PSG2: variants seen among roughly 807,000 people sequenced by gnomAD.
The protein encoded by PSG2 is pregnancy-specific beta-1-glycoprotein 2.
PSG2 carries 49 observed loss-of-function variants against 36.2 expected under a neutral mutation model. That is an observed-to-expected ratio of 1.35 (90% CI 1.08 to 1.72). The LOEUF is 1.72. PSG2 is among the 40% of genes most tolerant of loss of function. The pLI is 0.00. For missense variants in PSG2, 605 were observed against 407.2 expected (o/e 1.49, Z -4.18); for synonymous variants, 261 against 155.6 (o/e 1.68, Z -5.04).
Position 43,080,937 on chromosome 19 carries a change from A to G in PSG2, c.374T>C (p.Ile125Thr), listed in dbSNP as rs1394821720. Residue 125 changes from isoleucine (I) to threonine (T), a missense_variant, in exon 2 of 6, where the codon ATA becomes ACA. Coordinates refer to ENST00000406487, the MANE Select transcript of PSG2 (RefSeq NM_031246.4). ...EDAGSYTLHIIKRGDGTRGVT... is the reference protein window; with the variant it reads ...EDAGSYTLHITKRGDGTRGVT... ...TCCTCTAGTCCCATCACCTCGCTTTATGATGTGTAAGGTGTAGGATCCTGC... is the reference window on the plus strand; with the variant it reads ...TCCTCTAGTCCCATCACCTCGCTTTGTGATGTGTAAGGTGTAGGATCCTGC... 5 of 1,612,724 alleles carry G rather than the reference A, an allele frequency of 3.1e-6. No homozygotes were observed. The highest frequency in any genetic ancestry group is 4.2e-6 in the Non-Finnish European group (5 of 1,179,548).
At chr19:43,068,466 AAAAGAAAGAAAG>A (rs538043371) in intron 4 of PSG2, among the ~76,000 whole-genome samples, 16 of 147,062 alleles carry the variant, frequency 1.1e-4, no homozygotes, top group African/African-American at 3.7e-4. Context: ...AAAAAAAAAA[AAAAGAAAGAAAG>A]AAAGAAAGAA....
Position 43,071,673 on chromosome 19 carries a change from C to A in PSG2, c.964+27G>T, listed in dbSNP as rs202015510. The A allele has an allele frequency of 1.6e-5, 25 of 1,612,728 alleles. No homozygotes were observed. The South Asian group carries it at 2.7e-4, about 18-fold the overall frequency. On this transcript the variant is annotated intron_variant, in intron 4 of 5. Transcript: ENST00000406487. The stretch of plus-strand genomic sequence containing the variant: ...CAGATAGACTCCACCTAAAACCCTA[C>A]TGCCAAGGATGCTGGGATCCACTTA...
intron 2 of PSG2, among the ~76,000 whole-genome samples, chr19:43,079,316 A>T (rs1967938596): frequency 6.6e-6 from 1 of 151,312 alleles, no homozygotes; most frequent in African/African-American, 2.4e-5. Context: ...GTGGCCAAAG[A>T]GCTTCAGAGT....
In PSG2 at chr19:43,082,571, G is replaced by C. The variant is rs1162283204; in HGVS notation, c.-2C>G. 3.1e-6 allele frequency: 5 copies of C among 1,611,612 alleles called. No homozygotes were observed. The highest frequency in any genetic ancestry group is 1.7e-5 in the Admixed American group (1 of 59,886). ...GGGAGGGGCTGAGAGGGGCCCCATG[G>C]TCTCTGCTGCCTGTGTGTTCTCCTC... On this transcript the variant is annotated 5_prime_UTR_variant, in exon 1 of 6. Coordinates refer to ENST00000406487, the MANE Select transcript of PSG2 (RefSeq NM_031246.4).
At chr19:43,072,476 C>G in intron 3 of PSG2, 1 of 1,611,402 alleles carries the variant, frequency 6.2e-7, no homozygotes, top group Non-Finnish European at 8.5e-7. Context: ...TTCAATGGGT[C>G]GCTTTACCCT....
rs1181076364 is a variant in PSG2 at position 43,075,287 on chromosome 19, G to C, written c.709+67C>G. On this transcript the variant is annotated intron_variant, in intron 3 of 5. Coordinates refer to ENST00000406487, the MANE Select transcript of PSG2 (RefSeq NM_031246.4). ...TACTTGGACCTGAGAGGGACTGAGA[G>C]GCCTGGCCTCTGGCCATGTGTATTT... The C allele has an allele frequency of 9.3e-6, 15 of 1,612,490 alleles. 1 individual carries two copies. The highest frequency in any genetic ancestry group is 1.3e-5 in the Non-Finnish European group (15 of 1,179,286).
intron 4 of PSG2, among the ~76,000 whole-genome samples, chr19:43,068,770 G>A (rs997759976): frequency 6.6e-6 from 1 of 151,606 alleles, no homozygotes; most frequent in Non-Finnish European, 1.5e-5. Flanking sequence ...CATACTTAAC[G>A]GAGAAAGACT....
chr19:43,075,354 G>A lies in PSG2; in HGVS notation c.709C>T (p.His237Tyr), dbSNP rs754469616. ...RSDPVTLNLL[H>Y]GPDLPRIHPS... is the part of the protein sequence containing the mutation. ...CCACAGAGGAACAGAAGATACTCAC[G>A]GAGGAGATTCAGGGTGACTGGGTCA... Residue 237 changes from histidine (H) to tyrosine (Y), a missense_variant and splice_region_variant, in exon 3 of 6, where the codon CAT (histidine) becomes TAT (tyrosine). His to Tyr is a moderately conservative substitution (Grantham distance 83). Transcript: ENST00000406487. 16 of 1,613,004 alleles carry A rather than the reference G, an allele frequency of 9.9e-6. No homozygotes were observed. Among genetic ancestry groups the A allele is most frequent in the African/African-American group, 2.7e-5 (2 of 74,494 alleles).
chr19:43,077,367 G>A (rs1283056432), intron 2 of PSG2, among the ~76,000 whole-genome samples: 2 of 151,768 alleles, frequency 1.3e-5, no homozygotes, highest in Non-Finnish European at 2.9e-5. Context: ...TGTGTGTTAT[G>A]TTAGTAAATA....
intron 3 of PSG2, chr19:43,072,423 C>G: frequency 3.1e-6 from 5 of 1,612,468 alleles, no homozygotes; most frequent in Non-Finnish European, 4.2e-6. Flanking sequence ...TCATAGGGTC[C>G]TGTTTCATTT....
At chr19:43,075,676 G>C in intron 2 of PSG2, 44 bp from the exon 3 acceptor site, 1 of 1,581,332 alleles carries the variant, frequency 6.3e-7, no homozygotes, top group East Asian at 2.2e-5. Flanking sequence ...TGGCACCTTT[G>C]ATTCCTCCAA....
At chr19:43,066,651 T>TA in intron 4 of PSG2, 51 bp from the exon 5 acceptor site, 1 of 1,514,314 alleles carries the variant, frequency 6.6e-7, no homozygotes, top group African/African-American at 1.4e-5. Context: ...TTATTTTACA[T>TA]GGGGGAGCAT....
Position 43,081,245 on chromosome 19 carries a change from TG to T in PSG2, c.65del (p.Ala22AspfsTer4). 6.2e-7 allele frequency: 1 copy of T among 1,610,938 alleles called. No homozygotes were observed. Among genetic ancestry groups the T allele is most frequent in the East Asian group, 2.2e-5 (1 of 44,816 alleles). ...GCAGGTTCCAGAAGTTTAAAAGTGA[TG>T]CTAGGAGGTGGAGAGAGCATCAGAC... Reference protein sequence around the residue: ...HIKWKGLLVTASLLNFWNLPT... With the variant: ...HIKWKGLLVTXSLLNFWNLPT... On this transcript the variant is annotated frameshift_variant and splice_region_variant, in exon 2 of 6. Transcript: ENST00000406487. LOFTEE classifies it high-confidence loss of function.
rs397839877 is a variant in PSG2, at chr19:43,081,176, A to C, written c.135T>G (p.Val45=). The C allele has an allele frequency of 9.7e-5, 156 of 1,612,562 alleles. 2 individuals carry two copies. The highest frequency in any genetic ancestry group is 1.3e-4 in the Non-Finnish European group (150 of 1,179,638). Residue 45 remains valine, a synonymous_variant, in exon 2 of 6, where the codon GTT becomes GTG. Coordinates refer to ENST00000406487, the MANE Select transcript of PSG2 (RefSeq NM_031246.4). ...QVTIEAQPPK[V]SEGKDVLLLV... ...GTAGAAGAACATCCTTCCCCTCGGA[A>C]ACTTTTGGTGGCTGGGCTTCAATCG...
In PSG2 at chr19:43,077,700, G is replaced by T. The variant is rs548518086; in HGVS notation, c.431-2068C>A. On this transcript the variant is annotated intron_variant, in intron 2 of 5. Transcript: ENST00000406487. ...CCACCAGTATTCCTATTACGTGTAC[G>T]TTACAGCATTTGTATTTGTCCCACA... is the stretch of plus-strand genomic sequence containing the variant. Among the ~76,000 whole-genome samples, 3 of 151,834 alleles carry T rather than the reference G, an allele frequency of 2.0e-5. No homozygotes were observed. In the South Asian group the frequency reaches 6.2e-4, roughly 32 times the overall value.
intron 2 of PSG2, among the ~76,000 whole-genome samples, chr19:43,079,678 G>T (rs1967944216): frequency 6.6e-6 from 1 of 151,638 alleles, no homozygotes; most frequent in Non-Finnish European, 1.5e-5. Flanking sequence ...AGGGAGGCCT[G>T]CTCATGTTTT....
At position 43,078,668 on chromosome 19, in the gene PSG2, A is replaced by G. The variant is rs186506497; in HGVS notation, c.430+2213T>C. On this transcript the variant is annotated intron_variant, in intron 2 of 5. Coordinates refer to ENST00000406487, the MANE Select transcript of PSG2 (RefSeq NM_031246.4). ...TGTGCCCCTGAAACTATCCTTGAAAATCTCTAAGCCCTGATCCACTGGGGA... is the reference window on the plus strand; with the variant it reads ...TGTGCCCCTGAAACTATCCTTGAAAGTCTCTAAGCCCTGATCCACTGGGGA... 5.7e-4 allele frequency among the ~76,000 whole-genome samples: 87 copies of G among 151,638 alleles called. 2 individuals carry two copies. The highest frequency in any genetic ancestry group is 3.4e-3 in the Middle Eastern group (1 of 294).
At chr19:43,070,949 G>T (rs1967806274) in intron 4 of PSG2, among the ~76,000 whole-genome samples, 1 of 151,572 alleles carries the variant, frequency 6.6e-6, no homozygotes, top group Non-Finnish European at 1.5e-5. Context: ...CTCTAGCTCT[G>T]CATCAGTCAC....
intron 5 of PSG2, 49 bp downstream of exon 5, chr19:43,066,468 A>G: frequency 2.2e-6 from 3 of 1,339,904 alleles, no homozygotes; most frequent in East Asian, 2.3e-5. Context: ...TCTCCCAAGC[A>G]TGGCAGTCAG....
Sources: allele counts gnomAD v4.1 joint callset (sites outside exome capture counted in the v4.1 genomes callset), GRCh38; gene constraint gnomAD v4.1.1; transcripts MANE v1.5; gene names NCBI Gene and HGNC (gene_info 2026-07-23, HGNC 2026-07-21).